Variants in LRRC4C observed in about 807,000 individuals in gnomAD.
LRRC4C encodes the protein leucine-rich repeat-containing protein 4C.
A neutral mutation model predicts 33.6 loss-of-function variants in LRRC4C; 5 were observed. That is an observed-to-expected ratio of 0.15 (90% CI 0.08 to 0.31). LRRC4C has a LOEUF of 0.31. Among genes scored for constraint, LRRC4C ranks in the 10% least tolerant of loss-of-function variants. The pLI is 1.00. For missense variants in LRRC4C, 560 were observed against 796.7 expected (o/e 0.70, Z 3.58); for synonymous variants, 329 against 302.0 (o/e 1.09, Z -0.93).
At chr11:41,075,459 A>C (rs1487742144) in intron 1 of LRRC4C, among the ~76,000 whole-genome samples, 1 of 152,122 alleles carries the variant, frequency 6.6e-6, no homozygotes, top group Non-Finnish European at 1.5e-5. Flanking sequence ...TATCTAACAC[A>C]AACATTAGTG....
At chr11:41,105,846 T>C (rs1941461108) in intron 1 of LRRC4C, among the ~76,000 whole-genome samples, 1 of 152,106 alleles carries the variant, frequency 6.6e-6, no homozygotes, top group African/African-American at 2.4e-5. Context: ...AATGCACATA[T>C]GATATGCATT....
intron 1 of LRRC4C, among the ~76,000 whole-genome samples, chr11:41,140,651 C>T (rs1943463803): frequency 6.6e-6 from 1 of 152,190 alleles, no homozygotes; most frequent in African/African-American, 2.4e-5. Context: ...ATGCACTTCC[C>T]CACATCGGGT....
chr11:40,127,696 C>T (rs931369623), intron 6 of LRRC4C, among the ~76,000 whole-genome samples: 18 of 152,196 alleles, frequency 1.2e-4, no homozygotes, highest in South Asian at 8.3e-4. Flanking sequence ...TGAATGGAAC[C>T]GATCTCCAAT....
chr11:41,388,927 T>C (rs1565633285), intron 1 of LRRC4C, among the ~76,000 whole-genome samples: 1 of 151,818 alleles, frequency 6.6e-6, no homozygotes, highest in Non-Finnish European at 1.5e-5. Context: ...TTAGACAGGT[T>C]TGGAAAGTTT....
chr11:40,637,848 T>A (rs543128803), intron 3 of LRRC4C, among the ~76,000 whole-genome samples: 9 of 152,168 alleles, frequency 5.9e-5, no homozygotes, highest in African/African-American at 2.2e-4. Context: ...GCCAGGGAGA[T>A]CTAGCACCTT....
chr11:41,087,569 T>C (rs951147771), intron 1 of LRRC4C, among the ~76,000 whole-genome samples: 9 of 152,230 alleles, frequency 5.9e-5, no homozygotes, highest in Admixed American at 5.2e-4. Context: ...CCTCAAGCAA[T>C]AATCCCACCT....
intron 1 of LRRC4C, among the ~76,000 whole-genome samples, chr11:40,942,770 A>G (rs954121868): frequency 4.6e-5 from 7 of 152,196 alleles, no homozygotes; most frequent in Non-Finnish European, 8.8e-5. Flanking sequence ...CAGATGGAGC[A>G]TTCCAAGAGG....
intron 3 of LRRC4C, among the ~76,000 whole-genome samples, chr11:40,501,030 A>G (rs997265638): frequency 6.6e-6 from 1 of 152,182 alleles, no homozygotes; most frequent in Non-Finnish European, 1.5e-5. Context: ...CAAAATACAG[A>G]GGCTACAGAC....
intron 1 of LRRC4C, among the ~76,000 whole-genome samples, chr11:41,099,390 G>GA (rs199827557): frequency 0.031 from 4,293 of 137,948 alleles, 222 homozygotes; most frequent in African/African-American, 0.11. Context: ...AAAAAAAAAA[G>GA]AAAAAAAAAA....
chr11:40,872,064 A>T (rs918001848), intron 2 of LRRC4C, among the ~76,000 whole-genome samples: 4 of 152,146 alleles, frequency 2.6e-5, no homozygotes, highest in African/African-American at 9.7e-5. Flanking sequence ...AAGAGCCACA[A>T]GGTCATTTAC....
chr11:41,276,201 A>G (rs1456708473), intron 1 of LRRC4C, among the ~76,000 whole-genome samples: 1 of 152,184 alleles, frequency 6.6e-6, no homozygotes, highest in Admixed American at 6.5e-5. Context: ...ATGTCCAAAA[A>G]TAAAAATATT....
chr11:40,490,226 T>C (rs974949178), intron 3 of LRRC4C, among the ~76,000 whole-genome samples: 3 of 152,214 alleles, frequency 2.0e-5, no homozygotes, highest in Admixed American at 6.6e-5. Context: ...TGGATTGTTT[T>C]TTCCTTCTGC....
At chr11:40,545,090 T>C (rs1248861426) in intron 3 of LRRC4C, among the ~76,000 whole-genome samples, 1 of 152,016 alleles carries the variant, frequency 6.6e-6, no homozygotes, top group Non-Finnish European at 1.5e-5. Context: ...GCACCTTGTC[T>C]CTGAAGCCTC....
chr11:40,888,519 T>C (rs558961871), intron 2 of LRRC4C, among the ~76,000 whole-genome samples: 63 of 152,176 alleles, frequency 4.1e-4, no homozygotes, highest in Non-Finnish European at 8.2e-4. Flanking sequence ...AACTTGGAAG[T>C]TGTTCTTTGC....
intron 1 of LRRC4C, among the ~76,000 whole-genome samples, chr11:41,037,143 C>A (rs563358009): frequency 3.1e-5 from 4 of 129,826 alleles, no homozygotes; most frequent in Non-Finnish European, 7.1e-5. Flanking sequence ...TCTCAGGTTG[C>A]CCCTTTCTGT....
chr11:40,731,804 A>T (rs11036043), intron 2 of LRRC4C, among the ~76,000 whole-genome samples: 27,760 of 152,116 alleles, frequency 0.18, 2,635 homozygotes, highest in Non-Finnish European at 0.2. Context: ...GTCACAGTTA[A>T]CAAAAGTAAA....
chr11:40,975,438 C>T (rs1411937308), intron 1 of LRRC4C, among the ~76,000 whole-genome samples: 7 of 152,188 alleles, frequency 4.6e-5, no homozygotes, highest in Non-Finnish European at 7.3e-5. Flanking sequence ...CCTGCCTTCT[C>T]ATTATTTCTC....
At chr11:41,050,474 G>T (rs1414002745) in intron 1 of LRRC4C, among the ~76,000 whole-genome samples, 1 of 151,978 alleles carries the variant, frequency 6.6e-6, no homozygotes, top group Non-Finnish European at 1.5e-5. Flanking sequence ...CCCAGTGTGT[G>T]CTATTCCCCT....
intron 2 of LRRC4C, among the ~76,000 whole-genome samples, chr11:40,762,564 T>A (rs1269632351): frequency 1.3e-5 from 2 of 152,150 alleles, no homozygotes; most frequent in Non-Finnish European, 2.9e-5. Flanking sequence ...TTTTTCTTTT[T>A]TGAGTCTGTT....
Sources: allele counts gnomAD v4.1 joint callset (sites outside exome capture counted in the v4.1 genomes callset), GRCh38; gene constraint gnomAD v4.1.1; transcripts MANE v1.5; gene names NCBI Gene and HGNC (gene_info 2026-07-23, HGNC 2026-07-21).